The following PIEZO1 variants were observed in gnomAD, a reference collection of about 807,000 sequenced individuals.
PIEZO1 encodes the protein piezo-type mechanosensitive ion channel component 1.
In PIEZO1, 296 loss-of-function variants were observed where a neutral mutation model predicts 297.2. The ratio of observed to expected loss-of-function variants is 1.00; its 90% CI spans 0.91 to 1.10. The LOEUF is 1.10. Among genes scored for constraint, PIEZO1 ranks in the 50% least tolerant of loss-of-function variants. The pLI, the probability that PIEZO1 is intolerant of heterozygous loss-of-function variation, is 0.00. For synonymous variants in PIEZO1, 2,427 were observed against 1,507.5 expected (o/e 1.61, Z -14.13); for missense variants, 5,018 against 3,455.5 (o/e 1.45, Z -11.34).
rs909553080 is a variant in PIEZO1 at position 88,738,931 on chromosome 16, C to T, written c.466-195G>A. The T allele has an allele frequency of 1.3e-5, 8 of 599,308 alleles. No individual in the cohort carries two copies. The East Asian group carries it at 1.7e-4, about 13-fold the overall frequency. The allele number at this position is 599,308 out of a possible 1,614,324, so 37.1% of individuals were successfully genotyped here. On this transcript the variant is annotated intron_variant, in intron 5 of 50. Transcript: ENST00000301015. ...CCTGACACCTTCCTACTTCCTCACT[C>T]AAGCTCACAGTTCCTGCAGGCCTTC...
Position 88,734,805 on chromosome 16 carries a change from G to T in PIEZO1, c.1849-7C>A. 6.5e-7 allele frequency: 1 copy of T among 1,550,254 alleles called. No homozygotes were observed. The highest frequency in any genetic ancestry group is 8.7e-7 in the Non-Finnish European group (1 of 1,146,880). On this transcript the variant is annotated splice_region_variant and splice_polypyrimidine_tract_variant and intron_variant, in intron 14 of 50. Transcript: ENST00000301015. ...GCCACAGGCTGTAGTAGACCTGCCG[G>T]GTGAGGTGGGGGTGGTGAGGACCGC...
intron 21 of PIEZO1, among the ~76,000 whole-genome samples, chr16:88,732,120 G>C (rs1463896028): frequency 6.6e-6 from 1 of 151,930 alleles, no homozygotes; most frequent in African/African-American, 2.4e-5. Flanking sequence ...GAGGTGGGCT[G>C]TACAGTAGAG....
Position 88,737,781 on chromosome 16 carries a change from C to G in PIEZO1, c.1054G>C (p.Glu352Gln). ...KEAAKGYEAR[E>Q]LELAELDQWP... is the part of the protein sequence containing the mutation. ...TGGTCCAGCTCTGCTAGCTCCAGCT[C>G]CCGAGCCTCATACCCCTTTGCCGCC... Residue 352 changes from glutamate (E) to glutamine (Q), a missense_variant, in exon 9 of 51, where the codon GAG (glutamate) becomes CAG (glutamine). Glu to Gln is a conservative substitution (Grantham distance 29, BLOSUM62 2). Transcript: ENST00000301015. The G allele has an allele frequency of 1.3e-6, 2 of 1,535,808 alleles. No individual in the cohort carries two copies. Among genetic ancestry groups the G allele is most frequent in the Non-Finnish European group, 8.7e-7 (1 of 1,146,732 alleles).
intron 15 of PIEZO1, 56 bp from the exon 16 acceptor site, chr16:88,734,594 C>CGG: frequency 6.5e-7 from 1 of 1,547,940 alleles, no homozygotes; most frequent in Non-Finnish European, 8.7e-7. Flanking sequence ...GCTGCAGCCC[C>CGG]GGGGAAGTGC....
intron 21 of PIEZO1, 63 bp downstream of exon 21, chr16:88,732,272 C>T (rs1904904018): frequency 2.8e-6 from 4 of 1,409,704 alleles, no homozygotes; most frequent in South Asian, 2.5e-5. Flanking sequence ...CTGCACGGTG[C>T]AGCCGTCCCT....
Position 88,715,550 on chromosome 16 carries a change from T to A in PIEZO1, c.*55A>T. The A allele has an allele frequency of 6.6e-7, 1 of 1,509,152 alleles. No individual in the cohort carries two copies. The allele number at this position is 1,509,152 out of a possible 1,614,324, so 93.5% of individuals were successfully genotyped here. ...CCGGCCTGAGGAGTGCCGCCCCTTG[T>A]GGCCACGCTGCCCAGCAGGCCGGCT... On this transcript the variant is annotated 3_prime_UTR_variant, in exon 51 of 51. Coordinates refer to ENST00000301015, the MANE Select transcript of PIEZO1 (RefSeq NM_001142864.4).
chr16:88,755,573 T>C (rs77897797), intron 1 of PIEZO1, among the ~76,000 whole-genome samples: 6,354 of 152,350 alleles, frequency 0.042, 429 homozygotes, highest in African/African-American at 0.14. Flanking sequence ...TGTTTCCGTC[T>C]GTAAGTTCCT....
chr16:88,759,769 C>A (rs1906841785), intron 1 of PIEZO1, among the ~76,000 whole-genome samples: 3 of 152,188 alleles, frequency 2.0e-5, no homozygotes, highest in Admixed American at 6.5e-5. Context: ...AGCCAGCCCG[C>A]CCCCAGACGC....
At chr16:88,742,487 C>T (rs549847576) in intron 2 of PIEZO1, 65 bp from the exon 3 acceptor site, 2 of 1,498,636 alleles carry the variant, frequency 1.3e-6, no homozygotes, top group Non-Finnish European at 1.8e-6. Flanking sequence ...CCAGGCCGCT[C>T]AGCCGGACAA....
Position 88,732,685 on chromosome 16 carries a change from G to A in PIEZO1, c.2712C>T (p.Ser904=), listed in dbSNP as rs541679008. 5.8e-6 allele frequency: 9 copies of A among 1,549,402 alleles called. No homozygotes were observed. The African/African-American group carries it at 6.8e-5, about 12-fold the overall frequency. ...GGTCCACGGGCCCCCGGTACAGCAG[G>A]GACTGGCTGATCTCCGTGGGCAGCA... The part of the protein sequence containing the change: ...TNLLPTEISQ[S]LLYRGPVDPA... The change falls in exon 20 of 51, where the codon TCC becomes TCT. Residue 904 remains serine, a synonymous_variant. Coordinates refer to ENST00000301015, the MANE Select transcript of PIEZO1 (RefSeq NM_001142864.4).
At chr16:88,775,218 T>C (rs561442742) in intron 1 of PIEZO1, among the ~76,000 whole-genome samples, 2 of 152,312 alleles carry the variant, frequency 1.3e-5, no homozygotes, top group Middle Eastern at 3.4e-3. Context: ...CAGGATTGCC[T>C]GGCACAGGCT....
chr16:88,776,418 A>G (rs1712795505), intron 1 of PIEZO1, among the ~76,000 whole-genome samples: 1 of 151,686 alleles, frequency 6.6e-6, no homozygotes, highest in Non-Finnish European at 1.5e-5. Flanking sequence ...AGGGCGACAG[A>G]GCGAGACTCT....
intron 1 of PIEZO1, among the ~76,000 whole-genome samples, chr16:88,753,199 G>A (rs1208475890): frequency 6.6e-5 from 3 of 45,344 alleles, no homozygotes; most frequent in East Asian, 5.8e-4. Flanking sequence ...AGCACACCCC[G>A]CCCCCCAGAG....
chr16:88,733,823 A>G, intron 17 of PIEZO1, 78 bp from the exon 18 acceptor site: 1 of 1,466,934 alleles, frequency 6.8e-7, no homozygotes, highest in Non-Finnish European at 9.1e-7. Context: ...TCTGGAGCCC[A>G]GAGGGGACTC....
chr16:88,724,979 G>A, intron 30 of PIEZO1, 30 bp downstream of exon 30: 1 of 1,381,562 alleles, frequency 7.2e-7, no homozygotes, highest in Non-Finnish European at 9.6e-7. Flanking sequence ...GGCCTGAGAG[G>A]GTGGCCACAG....
Position 88,738,424 on chromosome 16 carries a change from C to A in PIEZO1, c.651G>T (p.Ser217=). ...LLALAGIAHP[S]ALSSVYLLLF... Reference sequence around the variant, plus strand: ...GCAGCAGGTAGACACTGGAGAGGGCCGAGGGGTGGGCGATGCCTGCGGGGC... The same window carrying A: ...GCAGCAGGTAGACACTGGAGAGGGCAGAGGGGTGGGCGATGCCTGCGGGGC... The change falls in exon 7 of 51, where the codon TCG becomes TCT. Residue 217 remains serine (S), a synonymous_variant. Transcript: ENST00000301015. 6.5e-7 allele frequency: 1 copy of A among 1,535,744 alleles called. No individual in the cohort carries two copies. The highest frequency in any genetic ancestry group is 8.7e-7 in the Non-Finnish European group (1 of 1,146,808).
chr16:88,725,140 G>C (rs778152744), intron 29 of PIEZO1, 60 bp from the exon 30 acceptor site: 4 of 1,210,296 alleles, frequency 3.3e-6, no homozygotes, highest in African/African-American at 1.6e-5. Context: ...GGTCGGGGCT[G>C]TGAGTGCTCC....
intron 1 of PIEZO1, among the ~76,000 whole-genome samples, chr16:88,782,532 T>C (rs530896172): frequency 6.6e-6 from 1 of 152,162 alleles, no homozygotes; most frequent in Non-Finnish European, 1.5e-5. Flanking sequence ...TGCCAGATTT[T>C]TGGGTAATGA....
rs765908242 is a variant in PIEZO1 at position 88,722,310 on chromosome 16, A to C, written c.4863T>G (p.Ser1621Arg). The C allele has an allele frequency of 9.3e-5, 144 of 1,547,402 alleles. No homozygotes were observed. The highest frequency in any genetic ancestry group is 2.0e-4 in the Admixed American group (10 of 50,742). ...CCCCGGGGTCGGTGACTGCCTCCTC[A>C]CTGCCACTGCGCGTGTGGTAGCCGG... ...LSTGYHTRSG[S>R]EEAVTDPGER... Residue 1621 changes from serine to arginine, a missense_variant, in exon 36 of 51, where the codon AGT becomes AGG. Physicochemically the swap from Ser to Arg is moderately radical, Grantham distance 110 (BLOSUM62 -1). Coordinates refer to ENST00000301015, the MANE Select transcript of PIEZO1 (RefSeq NM_001142864.4).
Sources: gnomAD v4.1 joint callset for allele counts (sites outside exome capture counted in the v4.1 genomes callset) on GRCh38, gnomAD v4.1.1 for gene constraint, MANE v1.5 for transcripts, NCBI Gene and HGNC (gene_info 2026-07-23, HGNC 2026-07-21) for gene names.